The following GABRA4 variants were observed in gnomAD, a reference collection of about 807,000 sequenced individuals.
GABRA4 encodes gamma-aminobutyric acid type A receptor subunit alpha4.
A neutral mutation model predicts 49.7 loss-of-function variants in GABRA4; 12 were observed. The observed-to-expected ratio is 0.24, with a 90% CI of 0.15 to 0.39. The LOEUF is 0.39. GABRA4 is among the 10% of genes least tolerant of loss of function. GABRA4 has a pLI of 1.00. For missense variants in GABRA4, 506 were observed against 686.0 expected, an observed-to-expected ratio of 0.74 and a Z score of 2.93; for synonymous variants, 288 against 240.2, an observed-to-expected ratio of 1.20 and a Z score of -1.84.
chr4:46,975,179 G>A (rs1723097215), intron 5 of GABRA4, among the ~76,000 whole-genome samples: 1 of 151,906 alleles, frequency 6.6e-6, no homozygotes, highest in African/African-American at 2.4e-5. Flanking sequence ...AAAATGAATT[G>A]TGTGCCAACC....
chr4:46,938,467 T>A (rs1209442579), intron 8 of GABRA4, among the ~76,000 whole-genome samples: 1 of 152,104 alleles, frequency 6.6e-6, no homozygotes, highest in Non-Finnish European at 1.5e-5. Flanking sequence ...GGTGGGATTT[T>A]CAGTATATTT....
chr4:46,967,303 G>T (rs1010872265), intron 7 of GABRA4, among the ~76,000 whole-genome samples: 6 of 149,956 alleles, frequency 4.0e-5, no homozygotes, highest in African/African-American at 1.5e-4. Context: ...AACCAAAAAG[G>T]ATACCCAAAT....
intron 8 of GABRA4, among the ~76,000 whole-genome samples, chr4:46,956,192 G>A (rs1722354506): frequency 6.6e-6 from 1 of 151,918 alleles, no homozygotes; most frequent in African/African-American, 2.4e-5. Flanking sequence ...TATGAGTTTG[G>A]GGAGGTACTT....
chr4:46,955,848 T>C (rs867022163), intron 8 of GABRA4, among the ~76,000 whole-genome samples: 1 of 152,090 alleles, frequency 6.6e-6, no homozygotes, highest in African/African-American at 2.4e-5. Context: ...ATATAGTAAA[T>C]ACAGCCACTA....
intron 8 of GABRA4, among the ~76,000 whole-genome samples, chr4:46,940,658 G>A (rs1032873425): frequency 2.0e-5 from 3 of 151,932 alleles, no homozygotes; most frequent in Non-Finnish European, 4.4e-5. Context: ...AGCACATTAA[G>A]TCAGCAGAAC....
rs747215848 is a variant in GABRA4 at position 46,923,923 on chromosome 4, G to T, written c.*4302C>A. On this transcript the variant is annotated 3_prime_UTR_variant, in exon 9 of 9. Transcript: ENST00000264318. ...ACAGAACTAAGAATTTGTAGTAAGAGTTCCCCTTGACTTTCCACATCCTCA... is the reference window on the plus strand; with the variant it reads ...ACAGAACTAAGAATTTGTAGTAAGATTTCCCCTTGACTTTCCACATCCTCA... The T allele has an allele frequency of 2.6e-5, 4 of 152,036 alleles. No homozygotes were observed. The highest frequency in any genetic ancestry group is 4.8e-5 in the African/African-American group (2 of 41,418). The allele number at this position is 152,036 out of a possible 1,614,324, so 9.4% of individuals were successfully genotyped here.
At chr4:46,947,577 A>AAAGG (rs568842209) in intron 8 of GABRA4, among the ~76,000 whole-genome samples, 32 of 152,002 alleles carry the variant, frequency 2.1e-4, no homozygotes, top group South Asian at 1.7e-3. Context: ...AAGGCGCAAA[A>AAAGG]AAGGAAGGAA....
rs1560479557 is a variant in GABRA4, at chr4:46,974,380, A to C, written c.578-5T>G. On this transcript the variant is annotated splice_polypyrimidine_tract_variant and splice_region_variant and intron_variant, in intron 5 of 8. Transcript: ENST00000264318. ...TCTCACTCTTTGGATAGGCATCTAAAAGAGAGCACAGAATGTGGTTAGAGT... is the reference window on the plus strand; with the variant it reads ...TCTCACTCTTTGGATAGGCATCTAACAGAGAGCACAGAATGTGGTTAGAGT... 6.2e-7 allele frequency: 1 copy of C among 1,607,572 alleles called. No individual in the cohort carries two copies. Among genetic ancestry groups the C allele is most frequent in the Admixed American group, 1.7e-5 (1 of 59,412 alleles).
rs1721015811 is a variant in GABRA4 at position 46,921,203 on chromosome 4, T to C, written c.*7022A>G. ...AAGAAACCATAGCATTTAAAAATTTTCCATTAAATGTATCGTTATCCAAAA... is the reference window on the plus strand; with the variant it reads ...AAGAAACCATAGCATTTAAAAATTTCCCATTAAATGTATCGTTATCCAAAA... On this transcript the variant is annotated 3_prime_UTR_variant, in exon 9 of 9. Transcript: ENST00000264318. The C allele has an allele frequency of 6.6e-6, 1 of 151,980 alleles. No homozygotes were observed. Among genetic ancestry groups the C allele is most frequent in the African/African-American group, 2.4e-5 (1 of 41,554 alleles). The allele number at this position is 151,980 out of a possible 1,614,324, so 9.4% of individuals were successfully genotyped here. A position where few individuals can be genotyped will look rare whatever the true frequency, so the allele number is the denominator to read the frequency against.
At chr4:46,962,119 G>C (rs556062697) in intron 8 of GABRA4, among the ~76,000 whole-genome samples, 2 of 151,850 alleles carry the variant, frequency 1.3e-5, no homozygotes, top group Non-Finnish European at 2.9e-5. Flanking sequence ...CTTGCTTATT[G>C]GTTTTGTTTT....
In GABRA4 at chr4:46,970,554, A is replaced by T. The variant is rs139745050; in HGVS notation, c.874+529T>A. On this transcript the variant is annotated intron_variant, in intron 7 of 8. Transcript: ENST00000264318. ...CACTATAAAAACAAAAAGAAAAACC[A>T]ATGTTTAGAAAAAAAAGAAGTAAGT... is the stretch of plus-strand genomic sequence containing the variant. Among the ~76,000 whole-genome samples, 183 of 151,540 alleles carry T rather than the reference A, an allele frequency of 1.2e-3. No homozygotes were observed. In the Middle Eastern group the frequency reaches 0.014, roughly 11 times the overall value.
chr4:46,978,338 C>A (rs1327102021), intron 3 of GABRA4, among the ~76,000 whole-genome samples: 1 of 151,960 alleles, frequency 6.6e-6, no homozygotes, highest in Non-Finnish European at 1.5e-5. Flanking sequence ...GTGTACACGA[C>A]TAGTTCATAC....
At chr4:46,958,168 T>C (rs1577769280) in intron 8 of GABRA4, among the ~76,000 whole-genome samples, 1 of 151,952 alleles carries the variant, frequency 6.6e-6, no homozygotes. Flanking sequence ...AATTTCGATA[T>C]TAGGTTTACC....
intron 8 of GABRA4, among the ~76,000 whole-genome samples, chr4:46,936,310 C>T (rs1467664755): frequency 5.3e-5 from 8 of 152,060 alleles, no homozygotes; most frequent in African/African-American, 1.7e-4. Context: ...AGTGCAATGG[C>T]GTAATCTTGG....
In GABRA4 at chr4:46,932,302, G is replaced by T. The variant is rs149115580; in HGVS notation, c.1135-3547C>A. Among the ~76,000 whole-genome samples, 10 of 152,230 alleles carry T rather than the reference G, an allele frequency of 6.6e-5. 1 individual carries two copies. The East Asian group carries it at 1.9e-3, about 29-fold the overall frequency. ...TATTCCATTACCTCATTTTCCAGTA[G>T]AGAAAAGTAAGAACAGAAAGGTTAC... is the stretch of plus-strand genomic sequence containing the variant. On this transcript the variant is annotated intron_variant, in intron 8 of 8. Transcript: ENST00000264318.
Position 46,926,153 on chromosome 4 carries a change from T to C in GABRA4, c.*2072A>G, listed in dbSNP as rs1721223778. The C allele has an allele frequency of 2.6e-5, 4 of 151,940 alleles. No homozygotes were observed. In the Middle Eastern group the frequency reaches 0.01, roughly 388 times the overall value. 9.4% of individuals were successfully genotyped at this position (151,940 alleles called of 1,614,324 possible). A position where few individuals can be genotyped will look rare whatever the true frequency, so the allele number is the denominator to read the frequency against. ...AGTGAACTATCAGTTTCCAGCATAG[T>C]TCCTGGAACAAAGTACGCTCTGAAT... On this transcript the variant is annotated 3_prime_UTR_variant, in exon 9 of 9. Coordinates refer to ENST00000264318, the MANE Select transcript of GABRA4 (RefSeq NM_000809.4).
intron 6 of GABRA4, among the ~76,000 whole-genome samples, chr4:46,973,660 A>T (rs985509374): frequency 6.6e-6 from 1 of 151,858 alleles, no homozygotes. Context: ...ACTAAATATG[A>T]TTAAAAACTA....
At position 46,923,465 on chromosome 4, in the gene GABRA4, A is replaced by G. The variant is rs1419166081; in HGVS notation, c.*4760T>C. 1.3e-5 allele frequency: 2 copies of G among 152,116 alleles called. No homozygotes were observed. Among genetic ancestry groups the G allele is most frequent in the African/African-American group, 2.4e-5 (1 of 41,436 alleles). 9.4% of individuals were successfully genotyped at this position (152,116 alleles called of 1,614,324 possible). On this transcript the variant is annotated 3_prime_UTR_variant, in exon 9 of 9. Transcript: ENST00000264318. ...CTTCTAGACAAACATATCCAAATAC[A>G]AAATATTTCTGATTTCTGGGTGGTA...
In GABRA4 at chr4:46,923,322, A is replaced by G. The variant is rs1173866230; in HGVS notation, c.*4903T>C. 1 of 151,178 alleles carries G rather than the reference A, an allele frequency of 6.6e-6. No homozygotes were observed. Among genetic ancestry groups the G allele is most frequent in the Admixed American group, 6.6e-5 (1 of 15,100 alleles). The allele number at this position is 151,178 out of a possible 1,614,324, so 9.4% of individuals were successfully genotyped here. ...AACAATTTCTTCAGTTTTACCCTCCAATTTTAATCTTATCTTGAGATAAAA... is the reference window on the plus strand; with the variant it reads ...AACAATTTCTTCAGTTTTACCCTCCGATTTTAATCTTATCTTGAGATAAAA... On this transcript the variant is annotated 3_prime_UTR_variant, in exon 9 of 9. Transcript: ENST00000264318.
Sources: allele counts gnomAD v4.1 joint callset (sites outside exome capture counted in the v4.1 genomes callset), GRCh38; gene constraint gnomAD v4.1.1; transcripts MANE v1.5; gene names NCBI Gene and HGNC (gene_info 2026-07-23, HGNC 2026-07-21).